The following NFKB1 variants were observed in gnomAD, a reference collection of about 807,000 sequenced individuals.
The protein encoded by NFKB1 is nuclear factor NF-kappa-B p105 subunit.
A neutral mutation model predicts 105.1 loss-of-function variants in NFKB1; 9 were observed. That is an observed-to-expected ratio of 0.09 (90% CI 0.05 to 0.15). The LOEUF is 0.15. Among genes scored for constraint, NFKB1 ranks in the 10% least tolerant of loss-of-function variants. NFKB1 has a pLI of 1.00. For missense variants in NFKB1, 830 were observed against 1,203.7 expected (o/e 0.69, Z 4.59); for synonymous variants, 440 against 442.2 (o/e 1.00, Z 0.06).
intron 1 of NFKB1, among the ~76,000 whole-genome samples, chr4:102,512,717 G>C (rs879093126): frequency 1.3e-5 from 2 of 152,128 alleles, no homozygotes; most frequent in Admixed American, 1.3e-4. Context: ...GATTTTGATG[G>C]CTTGCAAATT....
rs774225964 is a variant in NFKB1, at chr4:102,596,292, G to T, written c.1455G>T (p.Thr485=). 1 of 1,612,432 alleles carries T rather than the reference G, an allele frequency of 6.2e-7. No homozygotes were observed. ...ATVGNGEVTL[T]YATGTKEESA... The stretch of plus-strand genomic sequence containing the variant: ...TTGGGAATGGTGAGGTCACTCTAAC[G>T]TATGCAACAGGAACAAAAGAAGAGA... Residue 485 remains threonine, a synonymous_variant, in exon 14 of 24, where the codon ACG becomes ACT. Coordinates refer to ENST00000226574, the MANE Select transcript of NFKB1 (RefSeq NM_003998.4).
chr4:102,561,178 A>G (rs1723394422), intron 5 of NFKB1, among the ~76,000 whole-genome samples: 1 of 152,186 alleles, frequency 6.6e-6, no homozygotes, highest in East Asian at 1.9e-4. Flanking sequence ...TGGTTGCTCA[A>G]CAAGTAATAA....
In NFKB1 at chr4:102,613,474, G is replaced by A; in HGVS notation, c.2642G>A (p.Gly881Asp). 6.2e-7 allele frequency: 1 copy of A among 1,613,908 alleles called. No individual in the cohort carries two copies. ...CTGGTGGAGGCCCTGAGACAAATGGGCTACACCGAAGCAATTGAAGTGATC... is the reference window on the plus strand; with the variant it reads ...CTGGTGGAGGCCCTGAGACAAATGGACTACACCGAAGCAATTGAAGTGATC... ...RELVEALRQM[G>D]YTEAIEVIQA... The change falls in exon 23 of 24, where the codon GGC becomes GAC. Residue 881 changes from glycine to aspartate, a missense_variant. Physicochemically the swap from Gly to Asp is moderately conservative, Grantham distance 94. Around this residue, in one of 8 missense-constraint regions of NFKB1, gnomAD observed 418 missense variants for 575.3 expected, o/e 0.73. Coordinates refer to ENST00000226574, the MANE Select transcript of NFKB1 (RefSeq NM_003998.4).
chr4:102,607,192 C>T lies in NFKB1; in HGVS notation c.1997C>T (p.Pro666Leu). The T allele has an allele frequency of 6.2e-7, 1 of 1,614,166 alleles. No homozygotes were observed. The highest frequency in any genetic ancestry group is 8.5e-7 in the Non-Finnish European group (1 of 1,180,032). The stretch of plus-strand genomic sequence containing the variant: ...CTAGCCATGATGAGCAATAGCCTGC[C>T]ATGTTTGCTGCTGCTGGTGGCCGCT... Reference protein sequence around the residue: ...IHLAMMSNSLPCLLLLVAAGA... With the variant: ...IHLAMMSNSLLCLLLLVAAGA... The change falls in exon 18 of 24, where the codon CCA (proline) becomes CTA (leucine). Residue 666 changes from proline (P) to leucine (L), a missense_variant. Physicochemically the swap from Pro to Leu is moderately conservative, Grantham distance 98. Around this residue, in one of 8 missense-constraint regions of NFKB1, gnomAD observed 418 missense variants for 575.3 expected, o/e 0.73. Coordinates refer to ENST00000226574, the MANE Select transcript of NFKB1 (RefSeq NM_003998.4).
At chr4:102,544,825 A>G (rs1235327845) in intron 5 of NFKB1, among the ~76,000 whole-genome samples, 1 of 152,180 alleles carries the variant, frequency 6.6e-6, no homozygotes, top group Non-Finnish European at 1.5e-5. Context: ...GGAGAGATAT[A>G]CACTCCTTGA....
intron 6 of NFKB1, among the ~76,000 whole-genome samples, chr4:102,569,213 C>T (rs1309681445): frequency 6.6e-6 from 1 of 152,072 alleles, no homozygotes; most frequent in Non-Finnish European, 1.5e-5. Context: ...GAACATCGTG[C>T]TAGCATTCTG....
chr4:102,569,313 T>G (rs889435496), intron 6 of NFKB1, among the ~76,000 whole-genome samples: 1 of 152,134 alleles, frequency 6.6e-6, no homozygotes, highest in African/African-American at 2.4e-5. Context: ...ATGTCTTCCC[T>G]CATAAAATGA....
intron 5 of NFKB1, among the ~76,000 whole-genome samples, chr4:102,551,367 T>TGTGTGTGTGTGTGTGTGCACGCGC (rs370790173): frequency 2.2e-4 from 33 of 150,094 alleles, no homozygotes; most frequent in African/African-American, 7.6e-4. Flanking sequence ...TGTGTGTGTG[T>TGTGTGTGTGTGTGTGTGCACGCGC]GCGCGCGCGC....
chr4:102,513,912 G>C (rs567984220), intron 1 of NFKB1, among the ~76,000 whole-genome samples: 1 of 151,974 alleles, frequency 6.6e-6, no homozygotes, highest in Non-Finnish European at 1.5e-5. Context: ...GGTGGCTCAC[G>C]GCTGTAATCC....
At chr4:102,528,997 G>C (rs544727941) in intron 2 of NFKB1, among the ~76,000 whole-genome samples, 4 of 152,104 alleles carry the variant, frequency 2.6e-5, no homozygotes, top group African/African-American at 7.2e-5. Context: ...CATCACTCCA[G>C]CCTCTTGCTT....
intron 5 of NFKB1, among the ~76,000 whole-genome samples, chr4:102,541,580 G>A (rs1742001527): frequency 6.6e-6 from 1 of 152,174 alleles, no homozygotes. Context: ...AAGTGAAAGT[G>A]GAGAGTTAGG....
chr4:102,579,567 A>G (rs1725149378), intron 8 of NFKB1, among the ~76,000 whole-genome samples: 1 of 150,932 alleles, frequency 6.6e-6, no homozygotes, highest in African/African-American at 2.4e-5. Context: ...AGTCTCACCT[A>G]CTTGGGAGGC....
chr4:102,522,432 A>G (rs1166262291), intron 1 of NFKB1, among the ~76,000 whole-genome samples: 2 of 152,184 alleles, frequency 1.3e-5, no homozygotes, highest in Non-Finnish European at 2.9e-5. Context: ...TCCTTTGGCA[A>G]GAATTGGTGT....
chr4:102,589,040 A>G (rs1725954172), intron 11 of NFKB1, among the ~76,000 whole-genome samples: 1 of 152,180 alleles, frequency 6.6e-6, no homozygotes. Flanking sequence ...AGATTCAAAC[A>G]GCAGGTTCTT....
intron 11 of NFKB1, among the ~76,000 whole-genome samples, chr4:102,586,215 TAC>T (rs1725700626): frequency 6.6e-6 from 1 of 152,132 alleles, no homozygotes; most frequent in South Asian, 2.1e-4. Flanking sequence ...GATACTGTGA[TAC>T]AGTGATACTG....
intron 11 of NFKB1, among the ~76,000 whole-genome samples, chr4:102,587,555 G>C (rs538998175): frequency 6.6e-6 from 1 of 152,002 alleles, no homozygotes; most frequent in South Asian, 2.1e-4. Flanking sequence ...TTAATGCCTC[G>C]TTATCATAGT....
At chr4:102,562,805 C>T (rs1167714722) in intron 5 of NFKB1, among the ~76,000 whole-genome samples, 1 of 152,140 alleles carries the variant, frequency 6.6e-6, no homozygotes, top group Admixed American at 6.5e-5. Context: ...CAGTAGAGGA[C>T]AAAGTGAGGT....
rs770529899 is a variant in NFKB1 at position 102,580,643 on chromosome 4, A to G, written c.835+4A>G. 1 of 1,605,038 alleles carries G rather than the reference A, an allele frequency of 6.2e-7. No homozygotes were observed. The highest frequency in any genetic ancestry group is 8.5e-7 in the Non-Finnish European group (1 of 1,171,906). On this transcript the variant is annotated splice_donor_region_variant and intron_variant, in intron 9 of 23. Coordinates refer to ENST00000226574, the MANE Select transcript of NFKB1 (RefSeq NM_003998.4). ...CTTTGTGACAAAGTTCAGAAAGGTA[A>G]ATACATTCTGTGATCTCTGATCTCA...
chr4:102,524,098 C>T (rs1740742094), intron 1 of NFKB1, among the ~76,000 whole-genome samples: 1 of 151,570 alleles, frequency 6.6e-6, no homozygotes, highest in African/African-American at 2.4e-5. Context: ...TTAATTTTCT[C>T]ATTTTTCATG....
Sources: gnomAD v4.1 joint callset for allele counts (sites outside exome capture counted in the v4.1 genomes callset) on GRCh38, gnomAD v4.1.1 for gene constraint, gnomAD v4.1.1 regional missense constraint, MANE v1.5 for transcripts, NCBI Gene and HGNC (gene_info 2026-07-23, HGNC 2026-07-21) for gene names.